Variants in CPED1 observed in about 807,000 individuals in gnomAD.
CPED1 encodes the protein cadherin-like and PC-esterase domain-containing protein 1.
In CPED1, 114 loss-of-function variants were observed where a neutral mutation model predicts 128.2. The observed-to-expected ratio is 0.89, with a 90% confidence interval of 0.76 to 1.04. CPED1 has a LOEUF of 1.04. Among genes scored for constraint, CPED1 ranks in the 50% least tolerant of loss-of-function variants. CPED1 has a pLI of 0.00. For synonymous variants in CPED1, 462 were observed against 426.7 expected (o/e 1.08, Z -1.02); for missense variants, 1,211 against 1,207.1 (o/e 1.00, Z -0.05).
intron 16 of CPED1, among the ~76,000 whole-genome samples, chr7:121,160,961 C>T (rs534420371): frequency 8.6e-5 from 13 of 151,912 alleles, no homozygotes; most frequent in Non-Finnish European, 1.6e-4. Flanking sequence ...CAGGGATGAC[C>T]CCCAAAAGAT....
intron 7 of CPED1, 62 bp from the exon 8 acceptor site, chr7:121,124,269 T>G: frequency 6.8e-7 from 1 of 1,479,378 alleles, no homozygotes; most frequent in South Asian, 1.4e-5. Flanking sequence ...TTGGTCACCT[T>G]GAAAATGATA....
At chr7:121,040,217 GT>G (rs1446279428) in intron 3 of CPED1, among the ~76,000 whole-genome samples, 1 of 152,088 alleles carries the variant, frequency 6.6e-6, no homozygotes, top group East Asian at 1.9e-4. Context: ...ATGTTGTATA[GT>G]TCATTCAGGA....
chr7:121,251,669 A>G (rs1430768106), intron 18 of CPED1, among the ~76,000 whole-genome samples: 3 of 152,202 alleles, frequency 2.0e-5, no homozygotes, highest in Non-Finnish European at 2.9e-5. Flanking sequence ...TCGTACACCA[A>G]TAACAGACAA....
chr7:121,084,097 A>C (rs1794361663), intron 5 of CPED1, among the ~76,000 whole-genome samples: 1 of 152,212 alleles, frequency 6.6e-6, no homozygotes, highest in Non-Finnish European at 1.5e-5. Context: ...CATTACAAAA[A>C]TATTTCTTTG....
chr7:121,063,799 G>A (rs1482930485), intron 4 of CPED1, among the ~76,000 whole-genome samples: 1 of 141,146 alleles, frequency 7.1e-6, no homozygotes, highest in Non-Finnish European at 1.5e-5. Flanking sequence ...TTTGGTTGAA[G>A]TGAAGTTTTG....
intron 11 of CPED1, among the ~76,000 whole-genome samples, chr7:121,129,313 G>GTATATA (rs71530055): frequency 1.0e-3 from 28 of 26,848 alleles, no homozygotes; most frequent in South Asian, 1.9e-3. Context: ...ATATATATAC[G>GTATATA]TATATATATA....
At chr7:121,006,111 A>G (rs374960249) in intron 2 of CPED1, among the ~76,000 whole-genome samples, 38 of 152,248 alleles carry the variant, frequency 2.5e-4, no homozygotes, top group South Asian at 1.7e-3. Context: ...AATTGCCCCA[A>G]TGCTCTTTCC....
At chr7:121,169,381 T>C (rs1433438759) in intron 16 of CPED1, among the ~76,000 whole-genome samples, 1 of 152,170 alleles carries the variant, frequency 6.6e-6, no homozygotes, top group Non-Finnish European at 1.5e-5. Flanking sequence ...TAAAAATGTA[T>C]TTTTGTTTTC....
chr7:121,116,105 A>G (rs1795229011), intron 7 of CPED1, among the ~76,000 whole-genome samples: 1 of 152,162 alleles, frequency 6.6e-6, no homozygotes, highest in African/African-American at 2.4e-5. Context: ...CAATTCCCTT[A>G]TATGCTTGTG....
intron 16 of CPED1, among the ~76,000 whole-genome samples, chr7:121,205,178 G>C (rs531849018): frequency 6.6e-6 from 1 of 152,116 alleles, no homozygotes; most frequent in South Asian, 2.1e-4. Flanking sequence ...ATTTGTATAT[G>C]TCATCAAACA....
intron 22 of CPED1, among the ~76,000 whole-genome samples, chr7:121,290,577 A>C (rs1037932420): frequency 1.3e-5 from 2 of 152,022 alleles, no homozygotes; most frequent in Non-Finnish European, 2.9e-5. Flanking sequence ...GCTTTTTTTC[A>C]TATGTTTATT....
chr7:121,075,469 TTTTA>T (rs1563015924), intron 5 of CPED1, among the ~76,000 whole-genome samples: 2 of 152,076 alleles, frequency 1.3e-5, no homozygotes, highest in Admixed American at 6.6e-5. Flanking sequence ...GTGTATAAGT[TTTTA>T]TTTATTTTTT....
At chr7:121,050,576 G>C (rs1316612478) in intron 4 of CPED1, 2 of 241,828 alleles carry the variant, frequency 8.3e-6, no homozygotes, top group Admixed American at 1.1e-4. Flanking sequence ...CAATTCTTCT[G>C]CCTCAGCCTC....
chr7:121,169,663 T>A (rs897936764), intron 16 of CPED1, among the ~76,000 whole-genome samples: 2 of 152,184 alleles, frequency 1.3e-5, no homozygotes, highest in African/African-American at 4.8e-5. Context: ...GTAATAAACA[T>A]GCAATAAATA....
intron 16 of CPED1, among the ~76,000 whole-genome samples, chr7:121,213,341 ATAATATCTACC>A (rs1797688120): frequency 6.6e-6 from 1 of 152,034 alleles, no homozygotes; most frequent in Non-Finnish European, 1.5e-5. Flanking sequence ...AATAAGAATG[ATAATATCTACC>A]TCAAACAGCT....
At chr7:121,099,480 G>A (rs565573382) in intron 6 of CPED1, among the ~76,000 whole-genome samples, 1 of 152,188 alleles carries the variant, frequency 6.6e-6, no homozygotes, top group East Asian at 1.9e-4. Context: ...TGATTCTCCT[G>A]CCTCAGCCTC....
intron 3 of CPED1, among the ~76,000 whole-genome samples, chr7:121,026,519 T>A (rs754157307): frequency 1.1e-4 from 16 of 152,102 alleles, no homozygotes; most frequent in Non-Finnish European, 2.2e-4. Flanking sequence ...CACTTCCACA[T>A]CCCTGCTATA....
intron 2 of CPED1, among the ~76,000 whole-genome samples, chr7:120,994,901 T>C (rs1796370430): frequency 6.6e-6 from 1 of 152,144 alleles, no homozygotes. Flanking sequence ...GAAGACCAGT[T>C]GGTAGGCTGT....
chr7:121,168,809 T>A (rs1796590552), intron 16 of CPED1, among the ~76,000 whole-genome samples: 1 of 152,122 alleles, frequency 6.6e-6, no homozygotes, highest in African/African-American at 2.4e-5. Context: ...GATTTTTAGA[T>A]CCCACAAATA....
Sources: allele counts gnomAD v4.1 joint callset (sites outside exome capture counted in the v4.1 genomes callset), GRCh38; gene constraint gnomAD v4.1.1; transcripts MANE v1.5; gene names NCBI Gene and HGNC (gene_info 2026-07-23, HGNC 2026-07-21).